GRM5: variants seen among roughly 807,000 people sequenced by gnomAD.
GRM5 encodes the protein glutamate metabotropic receptor 5.
In GRM5, 19 loss-of-function variants were observed where a neutral mutation model predicts 83.1. The observed-to-expected ratio is 0.23, with a 90% confidence interval of 0.16 to 0.34. The LOEUF (loss-of-function observed/expected upper bound fraction) is 0.34, where lower values mean the gene tolerates loss of function less well. Ranked by LOEUF, GRM5 falls within the 10% of genes least tolerant of loss-of-function variation. The pLI is 1.00. For missense variants in GRM5, 1,160 were observed against 1,588.3 expected (o/e 0.73, Z 4.58); for synonymous variants, 675 against 633.6 (o/e 1.07, Z -0.98).
chr11:88,514,063 G>A (rs893215843), intron 9 of GRM5, among the ~76,000 whole-genome samples: 2 of 152,096 alleles, frequency 1.3e-5, no homozygotes, highest in East Asian at 1.9e-4. Context: ...ATTAGAAAAG[G>A]AGAGGGAAAG....
intron 2 of GRM5, among the ~76,000 whole-genome samples, chr11:88,872,442 A>G (rs1944785574): frequency 6.6e-6 from 1 of 151,534 alleles, no homozygotes; most frequent in Non-Finnish European, 1.5e-5. Context: ...CAAGACCTTT[A>G]TATTTTTATA....
Position 88,509,334 on chromosome 11 carries a change from C to G in GRM5, c.2897G>C (p.Gly966Ala). 1.9e-6 allele frequency: 3 copies of G among 1,601,736 alleles called. No homozygotes were observed. In the South Asian group the frequency reaches 3.3e-5, roughly 18 times the overall value. ...CACGCCCCCAGCGCTCCCGCCTGCGCCAGCGCCAGCGCCCAGGCCACGGCT... is the reference window on the plus strand; with the variant it reads ...CACGCCCCCAGCGCTCCCGCCTGCGGCAGCGCCAGCGCCCAGGCCACGGCT... ...TESRGLGAGA[G>A]AGGSAGGVGA... is the part of the protein sequence containing the mutation. The change falls in exon 10 of 10, where the codon GGC (glycine) becomes GCC (alanine). Residue 966 changes from glycine (G) to alanine (A), a missense_variant. Coordinates refer to ENST00000305447, the MANE Select transcript of GRM5 (RefSeq NM_001143831.3).
intron 4 of GRM5, among the ~76,000 whole-genome samples, chr11:88,627,974 G>A (rs1938848983): frequency 6.6e-6 from 1 of 152,132 alleles, no homozygotes; most frequent in South Asian, 2.1e-4. Flanking sequence ...TTTCAAACTT[G>A]CATTCCCAGC....
At chr11:88,972,355 A>T (rs912069456) in intron 2 of GRM5, among the ~76,000 whole-genome samples, 1 of 152,152 alleles carries the variant, frequency 6.6e-6, no homozygotes, top group Non-Finnish European at 1.5e-5. Flanking sequence ...AGCACTCCTG[A>T]CTGAAATTGG....
intron 3 of GRM5, among the ~76,000 whole-genome samples, chr11:88,824,635 A>G (rs769910229): frequency 6.6e-6 from 1 of 152,188 alleles, no homozygotes; most frequent in Non-Finnish European, 1.5e-5. Flanking sequence ...TAGGGGTTTT[A>G]CGCTCCTATG....
chr11:89,031,532 G>A (rs1941263240), intron 2 of GRM5, among the ~76,000 whole-genome samples: 1 of 151,794 alleles, frequency 6.6e-6, no homozygotes, highest in African/African-American at 2.4e-5. Flanking sequence ...GAATAACAAT[G>A]TCCATAAAAA....
intron 2 of GRM5, among the ~76,000 whole-genome samples, chr11:88,918,293 T>TA (rs1945630215): frequency 6.6e-6 from 1 of 150,562 alleles, no homozygotes; most frequent in Non-Finnish European, 1.5e-5. Flanking sequence ...GAAGGAGAAA[T>TA]AAAAAAATTC....
At chr11:89,014,382 C>T (rs1940794864) in intron 2 of GRM5, among the ~76,000 whole-genome samples, 1 of 152,090 alleles carries the variant, frequency 6.6e-6, no homozygotes, top group Admixed American at 6.6e-5. Context: ...AGCACAAAGA[C>T]AATTTGCTGA....
chr11:88,618,707 G>A lies in GRM5; in HGVS notation c.1148-13743C>T, dbSNP rs145267470. ...TCTTAGGCAAACTTTAAAGTCTTAA[G>A]TGCGCATAATAAAATGGTTCGTTTT... On this transcript the variant is annotated intron_variant, in intron 4 of 9. Transcript: ENST00000305447. Among the ~76,000 whole-genome samples the A allele has an allele frequency of 3.5e-3, 526 of 152,038 alleles. 2 individuals are homozygous for A. Among genetic ancestry groups the A allele is most frequent in the Middle Eastern group, 0.021 (6 of 290 alleles).
intron 3 of GRM5, among the ~76,000 whole-genome samples, chr11:88,794,500 A>G (rs1943237786): frequency 1.3e-5 from 2 of 152,172 alleles, no homozygotes; most frequent in Non-Finnish European, 2.9e-5. Context: ...TTTTAAAAAA[A>G]TATTCTGTTA....
intron 4 of GRM5, among the ~76,000 whole-genome samples, chr11:88,608,293 A>G (rs1182353570): frequency 1.3e-5 from 2 of 152,022 alleles, no homozygotes; most frequent in Non-Finnish European, 2.9e-5. Context: ...TTCCTTCCCA[A>G]TTTATGACTT....
At chr11:88,860,807 C>A (rs1470901052) in intron 2 of GRM5, among the ~76,000 whole-genome samples, 1 of 152,084 alleles carries the variant, frequency 6.6e-6, no homozygotes, top group Admixed American at 6.6e-5. Flanking sequence ...TCATTGTTGC[C>A]AAATTTTGAG....
chr11:88,872,487 T>A (rs1405132067), intron 2 of GRM5, among the ~76,000 whole-genome samples: 5 of 151,462 alleles, frequency 3.3e-5, no homozygotes, highest in Non-Finnish European at 4.4e-5. Context: ...AGGCAATATT[T>A]AAAAATATAT....
At position 88,723,214 on chromosome 11, in the gene GRM5, ATTTCT is replaced by A. The variant is rs372001153; in HGVS notation, c.912-69816_912-69812del. On this transcript the variant is annotated intron_variant, in intron 3 of 9. Coordinates refer to ENST00000305447, the MANE Select transcript of GRM5 (RefSeq NM_001143831.3). The stretch of plus-strand genomic sequence containing the variant: ...ATGATTTTTCATAGCTTGATAGCTC[ATTTCT>A]TTTCATCACTGACTACTATTCTATT... Among the ~76,000 whole-genome samples the A allele has an allele frequency of 6.0e-4, 91 of 151,120 alleles. No individual in the cohort carries two copies. The East Asian group carries it at 0.015, about 25-fold the overall frequency.
intron 4 of GRM5, among the ~76,000 whole-genome samples, chr11:88,624,678 T>C (rs1211063384): frequency 6.6e-6 from 1 of 152,160 alleles, no homozygotes; most frequent in Non-Finnish European, 1.5e-5. Flanking sequence ...CAAGACCCTG[T>C]CTGTAAAGAA....
chr11:88,510,644 G>C (rs1266677715), intron 9 of GRM5, among the ~76,000 whole-genome samples: 1 of 152,232 alleles, frequency 6.6e-6, no homozygotes, highest in African/African-American at 2.4e-5. Context: ...AGCTTCCTGA[G>C]AAGCTGGGAT....
chr11:88,708,416 TATTG>T, intron 3 of GRM5, among the ~76,000 whole-genome samples: 1 of 152,186 alleles, frequency 6.6e-6, no homozygotes, highest in South Asian at 2.1e-4. Context: ...TTTTGGGAAA[TATTG>T]AGAGGAATAG....
intron 2 of GRM5, among the ~76,000 whole-genome samples, chr11:88,926,588 T>G (rs1391332931): frequency 6.6e-6 from 1 of 152,198 alleles, no homozygotes; most frequent in Non-Finnish European, 1.5e-5. Context: ...GCAACTCAAC[T>G]TTTGGTTCAT....
chr11:88,724,540 T>G (rs1941628766), intron 3 of GRM5, among the ~76,000 whole-genome samples: 1 of 152,134 alleles, frequency 6.6e-6, no homozygotes, highest in Non-Finnish European at 1.5e-5. Context: ...CCAGTAATAG[T>G]GATGGGGCAT....
Sources: gnomAD v4.1 joint callset for allele counts (sites outside exome capture counted in the v4.1 genomes callset) on GRCh38, gnomAD v4.1.1 for gene constraint, MANE v1.5 for transcripts, NCBI Gene and HGNC (gene_info 2026-07-23, HGNC 2026-07-21) for gene names.